SLC11A1: variants seen among roughly 807,000 people sequenced by gnomAD.
The protein encoded by SLC11A1 is solute carrier family 11 member 1.
SLC11A1 carries 59 observed loss-of-function variants against 63.2 expected under a neutral mutation model. That is an observed-to-expected ratio of 0.93 (90% CI 0.76 to 1.16). SLC11A1 has a LOEUF of 1.16. SLC11A1 is among the 50% of genes most tolerant of loss of function. SLC11A1 has a pLI of 0.00. For missense variants in SLC11A1, 688 were observed against 730.7 expected (o/e 0.94, Z 0.67); for synonymous variants, 305 against 307.8 (o/e 0.99, Z 0.09).
Position 218,387,873 on chromosome 2 carries a change from AC to A in SLC11A1, c.717del (p.Glu240SerfsTer30). On this transcript the variant is annotated frameshift_variant, in exon 8 of 15. Transcript: ENST00000233202. LOFTEE classifies it high-confidence loss of function. Reference protein sequence around the residue: ...LFLPSCPGCGHPELLQAVGIV... With the variant: ...LFLPSCPGCGXPELLQAVGIV... ...CTGCCCTCGTGCCCGGGCTGCGGCC[AC>A]CCCGAGCTGCTGCAGGCGGTGGGCA... is the stretch of plus-strand genomic sequence containing the variant. The A allele has an allele frequency of 6.2e-7, 1 of 1,601,922 alleles. No homozygotes were observed.
intron 7 of SLC11A1, 65 bp downstream of exon 7, chr2:218,387,697 G>C: frequency 6.2e-7 from 1 of 1,611,978 alleles, no homozygotes; most frequent in Non-Finnish European, 8.5e-7. Flanking sequence ...CTTCCCTCTG[G>C]CCGCGGGCTG....
In SLC11A1 at chr2:218,387,925, C is replaced by T. The variant is rs1417682309; in HGVS notation, c.765C>T (p.His255=). ...TTGTTGGCGCCATCATCATGCCCCA[C>T]AACATCTACCTGCACTCGGCCCTGG... The part of the protein sequence containing the change: ...VGIVGAIIMP[H]NIYLHSALVK... The change falls in exon 8 of 15, where the codon CAC becomes CAT. Residue 255 remains histidine, a synonymous_variant. Transcript: ENST00000233202. 1 of 1,610,776 alleles carries T rather than the reference C, an allele frequency of 6.2e-7. No individual in the cohort carries two copies. The highest frequency in any genetic ancestry group is 1.7e-4 in the Middle Eastern group (1 of 6,056).
chr2:218,385,290 G>A, intron 4 of SLC11A1, 24 bp downstream of exon 4: 1 of 1,613,590 alleles, frequency 6.2e-7, no homozygotes, highest in Admixed American at 1.7e-5. Context: ...GCCTGGACAG[G>A]GAGAACCACT....
intron 8 of SLC11A1, among the ~76,000 whole-genome samples, chr2:218,389,350 C>T (rs2106334139): frequency 6.6e-6 from 1 of 152,098 alleles, no homozygotes; most frequent in South Asian, 2.1e-4. Context: ...ATGCTTGAGC[C>T]CAGGAGTTCA....
At chr2:218,389,193 G>A (rs1017920380) in intron 8 of SLC11A1, among the ~76,000 whole-genome samples, 5 of 151,992 alleles carry the variant, frequency 3.3e-5, no homozygotes, top group African/African-American at 4.8e-5. Flanking sequence ...CTGAAAGTTG[G>A]GGAAGTAGAT....
In SLC11A1 at chr2:218,382,988, G is replaced by A. The variant is rs17221910; in HGVS notation, c.36G>A (p.Gly12=). Residue 12 remains glycine, a synonymous_variant, in exon 2 of 15, where the codon GGG becomes GGA. Coordinates refer to ENST00000233202, the MANE Select transcript of SLC11A1 (RefSeq NM_000578.4). The stretch of plus-strand genomic sequence containing the variant: ...ACAAGGGTCCCCAAAGGCTAAGCGG[G>A]TCCAGCTATGGTTCCATCTCCAGCC... ...TGDKGPQRLS[G]SSYGSISSPT... 2.8e-4 allele frequency: 449 copies of A among 1,614,086 alleles called. No homozygotes were observed. The highest frequency in any genetic ancestry group is 3.7e-4 in the Non-Finnish European group (436 of 1,180,022).
Position 218,383,192 on chromosome 2 carries a change from A to C in SLC11A1, c.150+90A>C, listed in dbSNP as rs1476125931. On this transcript the variant is annotated intron_variant, in intron 2 of 14. Coordinates refer to ENST00000233202, the MANE Select transcript of SLC11A1 (RefSeq NM_000578.4). ...TGGAGAATGGGGTCTCCTTATGATC[A>C]TGGGTGGCAAGTCCCTTCCAGGTCT... 9.7e-6 allele frequency: 14 copies of C among 1,446,226 alleles called. No homozygotes were observed. The East Asian group carries it at 3.4e-4, about 35-fold the overall frequency. The allele number at this position is 1,446,226 out of a possible 1,614,324, so 89.6% of individuals were successfully genotyped here.
At position 218,383,841 on chromosome 2, in the gene SLC11A1, C is replaced by T. The variant is rs1397393942; in HGVS notation, c.151-402C>T. Reference sequence around the variant, plus strand: ...ATGCTCTGGAACAGGGTGGGGGGACCATAGCCTCAGCGGACCACAGAGAGG... The same window carrying T: ...ATGCTCTGGAACAGGGTGGGGGGACTATAGCCTCAGCGGACCACAGAGAGG... On this transcript the variant is annotated intron_variant, in intron 2 of 14. Coordinates refer to ENST00000233202, the MANE Select transcript of SLC11A1 (RefSeq NM_000578.4). 5 of 156,092 alleles carry T rather than the reference C, an allele frequency of 3.2e-5. No individual in the cohort carries two copies. The East Asian group carries it at 9.3e-4, about 29-fold the overall frequency. The allele number at this position is 156,092 out of a possible 1,614,324, so 9.7% of individuals were successfully genotyped here.
At position 218,387,839 on chromosome 2, in the gene SLC11A1, G is replaced by A. The variant is rs766095279; in HGVS notation, c.679G>A (p.Gly227Ser). The A allele has an allele frequency of 6.2e-6, 10 of 1,603,424 alleles. No individual in the cohort carries two copies. Among genetic ancestry groups the A allele is most frequent in the Middle Eastern group, 1.7e-4 (1 of 6,014 alleles). ...ARPEQGALLR[G>S]LFLPSCPGCG... ...TCCTGAGCAGGGAGCGCTTCTTCGG[G>A]GCCTGTTCCTGCCCTCGTGCCCGGG... The change falls in exon 8 of 15, where the codon GGC (glycine) becomes AGC (serine). Residue 227 changes from glycine to serine, a missense_variant. Transcript: ENST00000233202.
At chr2:218,392,732 C>G (rs960396380) in intron 11 of SLC11A1, 1 of 432,428 alleles carries the variant, frequency 2.3e-6, no homozygotes, top group Non-Finnish European at 4.1e-6. Flanking sequence ...CTGGAAGCTG[C>G]AGACCCAGGA....
In SLC11A1 at chr2:218,385,133, C is replaced by G; in HGVS notation, c.274-14C>G. ...GGCCTCTCTGGCTGAAGGCCTCTCC[C>G]TGCCTCCTCACAGCTTCTCTGGGTG... On this transcript the variant is annotated splice_polypyrimidine_tract_variant and intron_variant, in intron 3 of 14. Coordinates refer to ENST00000233202, the MANE Select transcript of SLC11A1 (RefSeq NM_000578.4). 1 of 1,613,254 alleles carries G rather than the reference C, an allele frequency of 6.2e-7. No homozygotes were observed. Among genetic ancestry groups the G allele is most frequent in the Non-Finnish European group, 8.5e-7 (1 of 1,179,702 alleles).
Position 218,395,299 on chromosome 2 carries a change from C to T in SLC11A1, c.*264C>T. 4.4e-6 allele frequency: 2 copies of T among 451,806 alleles called. No individual in the cohort carries two copies. Among genetic ancestry groups the T allele is most frequent in the Non-Finnish European group, 8.0e-6 (2 of 249,970 alleles). The allele number at this position is 451,806 out of a possible 1,614,324, so 28.0% of individuals were successfully genotyped here. Reference sequence around the variant, plus strand: ...CAGTGTCTGGCACTTGGGACAAAAACAAACAAACGAAAAACATTTCAAAAG... The same window carrying T: ...CAGTGTCTGGCACTTGGGACAAAAATAAACAAACGAAAAACATTTCAAAAG... On this transcript the variant is annotated 3_prime_UTR_variant, in exon 15 of 15. Transcript: ENST00000233202.
At position 218,394,780 on chromosome 2, in the gene SLC11A1, T is replaced by G; in HGVS notation, c.1537T>G (p.Tyr513Asp). 6.2e-7 allele frequency: 1 copy of G among 1,612,368 alleles called. No homozygotes were observed. Among genetic ancestry groups the G allele is most frequent in the South Asian group, 1.1e-5 (1 of 91,088 alleles). ...CGCAGCCTACCTGGGCCTCAGCACC[T>G]ACCTGGTACAGTAGGGCCAGGGGAT... ...LAAAYLGLST[Y>D]LVWTCCLAHG... Residue 513 changes from tyrosine to aspartate, a missense_variant, in exon 14 of 15, where the codon TAC becomes GAC. Transcript: ENST00000233202.
Position 218,389,962 on chromosome 2 carries a change from T to C in SLC11A1, c.888T>C (p.Phe296=), listed in dbSNP as rs1286778509. 6.2e-7 allele frequency: 1 copy of C among 1,614,080 alleles called. No homozygotes were observed. Among genetic ancestry groups the C allele is most frequent in the East Asian group, 2.2e-5 (1 of 44,872 alleles). Residue 296 remains phenylalanine (F), a synonymous_variant, in exon 9 of 15, where the codon TTT becomes TTC. Coordinates refer to ENST00000233202, the MANE Select transcript of SLC11A1 (RefSeq NM_000578.4). The part of the protein sequence containing the change: ...IEATIALSVS[F]IINLFVMAVF... ...CCACCATCGCCCTGTCCGTCTCCTT[T>C]ATCATCAACCTCTTTGTCATGGCTG...
At position 218,389,755 on chromosome 2, in the gene SLC11A1, G is replaced by A. The variant is rs924750044; in HGVS notation, c.796-115G>A. 19 of 1,085,084 alleles carry A rather than the reference G, an allele frequency of 1.8e-5. No homozygotes were observed. In the South Asian group the frequency reaches 2.0e-4, roughly 11 times the overall value. The allele number at this position is 1,085,084 out of a possible 1,614,324, so 67.2% of individuals were successfully genotyped here. On this transcript the variant is annotated intron_variant, in intron 8 of 14. Coordinates refer to ENST00000233202, the MANE Select transcript of SLC11A1 (RefSeq NM_000578.4). ...ACCTGAACCTGCCCCAGACTGCCACGCAGGGGACTTAAGAAGGTACTGGGC... is the reference window on the plus strand; with the variant it reads ...ACCTGAACCTGCCCCAGACTGCCACACAGGGGACTTAAGAAGGTACTGGGC...
In SLC11A1 at chr2:218,396,609, G is replaced by C. The variant is rs1373723535; in HGVS notation, c.*1574G>C. On this transcript the variant is annotated 3_prime_UTR_variant, in exon 15 of 15. Coordinates refer to ENST00000233202, the MANE Select transcript of SLC11A1 (RefSeq NM_000578.4). ...AGGAGAGAAGAGATGGGACCGGTCT[G>C]GTGCGACCTGGGCAAGCGCTGCAGA... 1 of 152,580 alleles carries C rather than the reference G, an allele frequency of 6.6e-6. No individual in the cohort carries two copies. Among genetic ancestry groups the C allele is most frequent in the Non-Finnish European group, 1.5e-5 (1 of 68,218 alleles). 9.5% of individuals were successfully genotyped at this position (152,580 alleles called of 1,614,324 possible). A position where few individuals can be genotyped will look rare whatever the true frequency, so the allele number is the denominator to read the frequency against.
chr2:218,395,993 G>C lies in SLC11A1; in HGVS notation c.*958G>C, dbSNP rs529456599. On this transcript the variant is annotated 3_prime_UTR_variant, in exon 15 of 15. Coordinates refer to ENST00000233202, the MANE Select transcript of SLC11A1 (RefSeq NM_000578.4). ...GGAACCCAAGAGTCTGTGCCTCTGA[G>C]GCCCAAATTATTTGCTGTTTCCTCA... 6.6e-6 allele frequency: 1 copy of C among 152,390 alleles called. No homozygotes were observed. Among genetic ancestry groups the C allele is most frequent in the Admixed American group, 6.5e-5 (1 of 15,290 alleles). 9.4% of individuals were successfully genotyped at this position (152,390 alleles called of 1,614,324 possible).
Position 218,393,109 on chromosome 2 carries a change from C to T in SLC11A1, c.1293C>T (p.Leu431=). The change falls in exon 12 of 15, where the codon CTC becomes CTT. Residue 431 remains leucine (L), a synonymous_variant. Transcript: ENST00000233202. ...ACTTGTCGGGCCTCAATGATCTGCTCAACGTGCTGCAGAGCCTGCTGGTGA... is the reference window on the plus strand; with the variant it reads ...ACTTGTCGGGCCTCAATGATCTGCTTAACGTGCTGCAGAGCCTGCTGGTGA... ...LRDLSGLNDL[L]NVLQSLLLPF... 1 of 1,586,014 alleles carries T rather than the reference C, an allele frequency of 6.3e-7. No homozygotes were observed. The highest frequency in any genetic ancestry group is 1.1e-5 in the South Asian group (1 of 88,148).
Position 218,395,040 on chromosome 2 carries a change from A to T in SLC11A1, c.*5A>T. ...AAAGGGGAGACCTCTGGCTAGGCCC[A>T]CACCAGGGCCTGGCTGGGAGTGGCA... is the stretch of plus-strand genomic sequence containing the variant. On this transcript the variant is annotated 3_prime_UTR_variant, in exon 15 of 15. Coordinates refer to ENST00000233202, the MANE Select transcript of SLC11A1 (RefSeq NM_000578.4). The T allele has an allele frequency of 6.3e-7, 1 of 1,582,048 alleles. No homozygotes were observed. The highest frequency in any genetic ancestry group is 8.6e-7 in the Non-Finnish European group (1 of 1,158,926).
Sources: allele counts gnomAD v4.1 joint callset (sites outside exome capture counted in the v4.1 genomes callset), GRCh38; gene constraint gnomAD v4.1.1; transcripts MANE v1.5; gene names NCBI Gene and HGNC (gene_info 2026-07-23, HGNC 2026-07-21).